Variants in SLC39A8 observed in about 807,000 individuals in gnomAD.
SLC39A8 encodes metal cation symporter ZIP8.
A neutral mutation model predicts 40.4 loss-of-function variants in SLC39A8; 15 were observed. That is an observed-to-expected ratio of 0.37 (90% confidence interval 0.25 to 0.57). The LOEUF is 0.57. SLC39A8 is among the 20% of genes least tolerant of loss of function. The probability of loss-of-function intolerance (pLI) is 0.75; values close to 1 mark genes in which losing one functional copy is unlikely to be tolerated. For synonymous variants in SLC39A8, 223 were observed against 221.6 expected, an observed-to-expected ratio of 1.01 and a Z score of -0.06; for missense variants, 472 against 558.8, an observed-to-expected ratio of 0.84 and a Z score of 1.57.
chr4:102,254,341 T>G (rs571564287), intron 11 of SLC39A8, among the ~76,000 whole-genome samples: 1 of 152,210 alleles, frequency 6.6e-6, no homozygotes, highest in Non-Finnish European at 1.5e-5. Flanking sequence ...TCAGTAGACA[T>G]TGAATATGTG....
At chr4:102,331,141 T>C (rs1735440237) in intron 2 of SLC39A8, among the ~76,000 whole-genome samples, 1 of 152,112 alleles carries the variant, frequency 6.6e-6, no homozygotes, top group African/African-American at 2.4e-5. Flanking sequence ...CTATTACCAC[T>C]CCTATTCAAC....
intron 6 of SLC39A8, among the ~76,000 whole-genome samples, chr4:102,298,859 G>A (rs1733786674): frequency 4.6e-5 from 7 of 152,004 alleles, no homozygotes. Context: ...GGGATTAGAG[G>A]CACCAAGTAC....
chr4:102,263,208 T>G lies in SLC39A8; in HGVS notation c.1234-15A>C, dbSNP rs1357300020. The G allele has an allele frequency of 6.2e-7, 1 of 1,609,868 alleles. No individual in the cohort carries two copies. Among genetic ancestry groups the G allele is most frequent in the South Asian group, 1.1e-5 (1 of 90,814 alleles). The stretch of plus-strand genomic sequence containing the variant: ...ATCTCTGGAAACTAGAAGACAGATA[T>G]ATTGTTAGATAACTGTTGCCATCTT... On this transcript the variant is annotated splice_polypyrimidine_tract_variant and intron_variant, in intron 8 of 8. Transcript: ENST00000356736.
At chr4:102,267,333 C>G (rs1380200608) in intron 8 of SLC39A8, among the ~76,000 whole-genome samples, 157 bp downstream of exon 8, 3 of 152,220 alleles carry the variant, frequency 2.0e-5, no homozygotes, top group Non-Finnish European at 4.4e-5. Context: ...GTAAACTACT[C>G]AAGTAGAATG....
At chr4:102,343,995 A>T (rs866838233) in intron 2 of SLC39A8, among the ~76,000 whole-genome samples, 1 of 152,150 alleles carries the variant, frequency 6.6e-6, no homozygotes, top group South Asian at 2.1e-4. Context: ...TCGTTTTCAA[A>T]TAGCACTGGT....
chr4:102,262,024 G>A lies in SLC39A8; in HGVS notation c.*1020C>T, dbSNP rs1731885027. On this transcript the variant is annotated 3_prime_UTR_variant, in exon 9 of 9. Transcript: ENST00000356736. ...AAGGTATACCATATGGAAAAGTATA[G>A]GCTGAACACAAAGGAAGTCTTTTCT... 1.0e-6 allele frequency: 1 copy of A among 985,800 alleles called. No individual in the cohort carries two copies. The highest frequency in any genetic ancestry group is 1.2e-6 in the Non-Finnish European group (1 of 829,860). The allele number at this position is 985,800 out of a possible 1,614,324, so 61.1% of individuals were successfully genotyped here. A position where few individuals can be genotyped will look rare whatever the true frequency, so the allele number is the denominator to read the frequency against.
intron 6 of SLC39A8, among the ~76,000 whole-genome samples, chr4:102,282,734 T>G (rs1732955059): frequency 6.6e-6 from 1 of 152,114 alleles, no homozygotes; most frequent in South Asian, 2.1e-4. Flanking sequence ...GTTTGTTTGT[T>G]TGTTTGTTTT....
At chr4:102,309,331 A>T (rs1442555845) in intron 3 of SLC39A8, among the ~76,000 whole-genome samples, 1 of 152,026 alleles carries the variant, frequency 6.6e-6, no homozygotes, top group Non-Finnish European at 1.5e-5. Flanking sequence ...TAACCCCGAG[A>T]ATCATCACAG....
chr4:102,299,543 T>G (rs1025182714), intron 6 of SLC39A8, among the ~76,000 whole-genome samples: 1 of 152,004 alleles, frequency 6.6e-6, no homozygotes, highest in African/African-American at 2.4e-5. Context: ...TATGTGTATT[T>G]AAACTCTCAT....
At chr4:102,275,852 C>T (rs1348234594) in intron 6 of SLC39A8, among the ~76,000 whole-genome samples, 1 of 152,180 alleles carries the variant, frequency 6.6e-6, no homozygotes, top group Non-Finnish European at 1.5e-5. Context: ...CACACAACTA[C>T]ATGGAAACGG....
intron 3 of SLC39A8, among the ~76,000 whole-genome samples, chr4:102,314,082 A>G (rs1381057917): frequency 6.6e-6 from 1 of 151,820 alleles, no homozygotes; most frequent in Non-Finnish European, 1.5e-5. Flanking sequence ...CTCTACAATA[A>G]AGGGCTCTTC....
At chr4:102,266,381 CT>C (rs1732096517) in intron 8 of SLC39A8, among the ~76,000 whole-genome samples, 1 of 152,236 alleles carries the variant, frequency 6.6e-6, no homozygotes, top group East Asian at 1.9e-4. Flanking sequence ...AATCCTTGCT[CT>C]TCTGAGGGTC....
chr4:102,342,195 T>C (rs1307797301), intron 2 of SLC39A8, among the ~76,000 whole-genome samples: 1 of 152,220 alleles, frequency 6.6e-6, no homozygotes, highest in Non-Finnish European at 1.5e-5. Context: ...ATTATTGTCA[T>C]CATTAGGACT....
intron 2 of SLC39A8, among the ~76,000 whole-genome samples, chr4:102,325,920 A>T (rs1735176759): frequency 1.3e-5 from 2 of 152,212 alleles, no homozygotes; most frequent in Non-Finnish European, 2.9e-5. Context: ...TGTCATAGTG[A>T]TGGACAAGTT....
At chr4:102,303,210 G>T (rs1032149087) in intron 6 of SLC39A8, among the ~76,000 whole-genome samples, 1 of 151,886 alleles carries the variant, frequency 6.6e-6, no homozygotes, top group African/African-American at 2.4e-5. Flanking sequence ...ACCTGGAGGG[G>T]TTATTTAACA....
chr4:102,320,226 TG>T (rs1560560970), intron 2 of SLC39A8, among the ~76,000 whole-genome samples: 7 of 136,606 alleles, frequency 5.1e-5, no homozygotes, highest in African/African-American at 1.9e-4. Flanking sequence ...TATATATGTA[TG>T]AGTATATATA....
chr4:102,252,495 A>C (rs1223689474), exon 12 of SLC39A8: 1 of 152,312 alleles, frequency 6.6e-6, no homozygotes, highest in Admixed American at 6.5e-5. Flanking sequence ...AAAAAGGAAC[A>C]CTGGGGAGGG....
chr4:102,282,748 A>T (rs985895172), intron 6 of SLC39A8, among the ~76,000 whole-genome samples: 3 of 152,054 alleles, frequency 2.0e-5, no homozygotes, highest in Non-Finnish European at 4.4e-5. Flanking sequence ...TTGTTTTGAG[A>T]CGGAGTCCCA....
At chr4:102,329,684 T>C (rs1161484237) in intron 2 of SLC39A8, among the ~76,000 whole-genome samples, 2 of 149,124 alleles carry the variant, frequency 1.3e-5, no homozygotes, top group African/African-American at 2.5e-5. Context: ...GCTGAGTTAA[T>C]AGACATTTAC....
Sources: allele counts gnomAD v4.1 joint callset (sites outside exome capture counted in the v4.1 genomes callset), GRCh38; gene constraint gnomAD v4.1.1; transcripts MANE v1.5; gene names NCBI Gene and HGNC (gene_info 2026-07-23, HGNC 2026-07-21).